Variants in PKNOX2 observed in about 807,000 individuals in gnomAD.
PKNOX2 encodes PBX/knotted 1 homeobox 2, also known as homeobox protein PKNOX2.
PKNOX2 carries 14 observed loss-of-function variants against 53.1 expected under a neutral mutation model. That is an observed-to-expected ratio of 0.26 (90% confidence interval 0.17 to 0.41). The LOEUF (loss-of-function observed/expected upper bound fraction) is 0.41, where lower values mean the gene tolerates loss of function less well. Ranked by LOEUF, PKNOX2 falls within the 10% of genes least tolerant of loss-of-function variation. PKNOX2 has a pLI of 1.00. For missense variants in PKNOX2, 496 were observed against 602.8 expected, an observed-to-expected ratio of 0.82 and a Z score of 1.85; for synonymous variants, 257 against 242.8, an observed-to-expected ratio of 1.06 and a Z score of -0.54.
intron 4 of PKNOX2, among the ~76,000 whole-genome samples, chr11:125,363,197 G>A (rs1354252949): frequency 6.6e-6 from 1 of 152,222 alleles, no homozygotes; most frequent in East Asian, 1.9e-4. Flanking sequence ...TGGGATTACA[G>A]GCGTGAGCCA....
chr11:125,274,210 G>A (rs73621011), intron 2 of PKNOX2, among the ~76,000 whole-genome samples: 1 of 152,098 alleles, frequency 6.6e-6, no homozygotes, highest in African/African-American at 2.4e-5. Flanking sequence ...AGAGTAACTT[G>A]CCCATGGTCA....
chr11:125,188,023 C>T (rs1565464554), intron 1 of PKNOX2: 2 of 152,206 alleles, frequency 1.3e-5, no homozygotes, highest in African/African-American at 4.8e-5. Context: ...TTGTTAAGCT[C>T]CTACTATGTT....
At chr11:125,251,305 C>G (rs532698658) in intron 2 of PKNOX2, among the ~76,000 whole-genome samples, 1 of 152,306 alleles carries the variant, frequency 6.6e-6, no homozygotes, top group African/African-American at 2.4e-5. Flanking sequence ...ACTCTCCCCG[C>G]TTCCTTGTAA....
chr11:125,364,754 A>G (rs1198233141), intron 4 of PKNOX2, among the ~76,000 whole-genome samples: 1 of 152,214 alleles, frequency 6.6e-6, no homozygotes, highest in Non-Finnish European at 1.5e-5. Flanking sequence ...GCACTTTTAC[A>G]TACTACACAT....
intron 1 of PKNOX2, among the ~76,000 whole-genome samples, chr11:125,203,275 A>C (rs1312370918): frequency 6.6e-6 from 1 of 152,054 alleles, no homozygotes. Context: ...GCTAATTTAA[A>C]ATTTTTTGGT....
At chr11:125,321,946 G>A (rs1412807556) in intron 2 of PKNOX2, among the ~76,000 whole-genome samples, 1 of 152,122 alleles carries the variant, frequency 6.6e-6, no homozygotes, top group Non-Finnish European at 1.5e-5. Flanking sequence ...GCTCACTCGA[G>A]TCTTTTTTAT....
Position 125,165,288 on chromosome 11 carries a change from G to C in PKNOX2, c.-201+512G>C, listed in dbSNP as rs1954774306. 6.6e-6 allele frequency among the ~76,000 whole-genome samples: 1 copy of C among 152,074 alleles called. No individual in the cohort carries two copies. Among genetic ancestry groups the C allele is most frequent in the Admixed American group, 6.5e-5 (1 of 15,284 alleles). On this transcript the variant is annotated intron_variant, in intron 1 of 12. Transcript: ENST00000298282. The surrounding 1 kb of genome is among the most constrained non-coding windows in gnomAD (Gnocchi z 4.5). ...CGGGCGGGCGGGGAGCTGTGCGCCA[G>C]GAGCGCCAGGGGACCCGAGAATAGG...
chr11:125,166,210 A>G lies in PKNOX2; in HGVS notation c.-201+1434A>G, dbSNP rs938215802. Among the ~76,000 whole-genome samples the G allele has an allele frequency of 6.6e-6, 1 of 152,094 alleles. No homozygotes were observed. Among genetic ancestry groups the G allele is most frequent in the Non-Finnish European group, 1.5e-5 (1 of 68,022 alleles). Reference sequence around the variant, plus strand: ...CGGGTGGCGTTTTTAGGATTCAGTAACAGGATCACAGCTTTTTCTTGTGGT... The same window carrying G: ...CGGGTGGCGTTTTTAGGATTCAGTAGCAGGATCACAGCTTTTTCTTGTGGT... On this transcript the variant is annotated intron_variant, in intron 1 of 12. Coordinates refer to ENST00000298282, the MANE Select transcript of PKNOX2 (RefSeq NM_001382323.2). This position sits in a 1 kb window ranked among gnomAD's most constrained non-coding sequence, Gnocchi z 4.0.
intron 3 of PKNOX2, among the ~76,000 whole-genome samples, chr11:125,339,552 T>G (rs966940988): frequency 3.3e-5 from 5 of 152,120 alleles, no homozygotes; most frequent in Non-Finnish European, 7.4e-5. Flanking sequence ...CAAGGGTGTG[T>G]GGGGAAAGGC....
chr11:125,260,744 GCA>G (rs965314376), intron 2 of PKNOX2, among the ~76,000 whole-genome samples: 20 of 152,060 alleles, frequency 1.3e-4, no homozygotes, highest in Non-Finnish European at 1.9e-4. Context: ...ACCTCTCCAT[GCA>G]CACACACGGC....
chr11:125,318,723 G>T (rs939180229), intron 2 of PKNOX2, among the ~76,000 whole-genome samples: 2 of 152,148 alleles, frequency 1.3e-5, no homozygotes, highest in Non-Finnish European at 2.9e-5. Context: ...TCGGCTCTTT[G>T]TCCCTACCCA....
At chr11:125,190,775 ATCTT>A (rs1565465540) in intron 1 of PKNOX2, among the ~76,000 whole-genome samples, 1 of 152,096 alleles carries the variant, frequency 6.6e-6, no homozygotes. Context: ...AGGGATTCCC[ATCTT>A]TTAAATACAG....
chr11:125,371,651 G>C lies in PKNOX2; in HGVS notation c.227+3666G>C, dbSNP rs551970808. 5.9e-5 allele frequency among the ~76,000 whole-genome samples: 9 copies of C among 152,254 alleles called. 1 individual carries two copies. The highest frequency in any genetic ancestry group is 1.4e-4 in the African/African-American group (6 of 41,530). On this transcript the variant is annotated intron_variant, in intron 5 of 12. Transcript: ENST00000298282. ...GAGCTAGGCCTGGCCAGGTGCGGGT[G>C]GGGGAGGAGGTTGGCTTTGCGAAGA... is the stretch of plus-strand genomic sequence containing the variant.
chr11:125,313,372 C>G (rs1045510106), intron 2 of PKNOX2, among the ~76,000 whole-genome samples: 5 of 152,178 alleles, frequency 3.3e-5, no homozygotes, highest in Admixed American at 2.6e-4. Flanking sequence ...TGCATCTGAA[C>G]TCTCCTGTCC....
chr11:125,412,405 A>G (rs776372748), intron 10 of PKNOX2, among the ~76,000 whole-genome samples: 1 of 152,198 alleles, frequency 6.6e-6, no homozygotes, highest in Non-Finnish European at 1.5e-5. Flanking sequence ...TATTTCTTTC[A>G]TAAGCTGCAG....
chr11:125,379,388 T>G (rs1953080491), intron 5 of PKNOX2, among the ~76,000 whole-genome samples: 1 of 152,032 alleles, frequency 6.6e-6, no homozygotes, highest in African/African-American at 2.4e-5. Flanking sequence ...TTTTTTTGAG[T>G]CTTTTAATAA....
intron 1 of PKNOX2, among the ~76,000 whole-genome samples, chr11:125,199,413 T>A (rs1262761974): frequency 1.3e-5 from 2 of 152,222 alleles, no homozygotes; most frequent in Non-Finnish European, 2.9e-5. Context: ...GCCCCGCACA[T>A]GCATTCAGTG....
At position 125,431,461 on chromosome 11, in the gene PKNOX2, G is replaced by C; in HGVS notation, c.*69G>C. ...GTCGCCGGGAGGCCTTCAGGGTGGG[G>C]GGGAAGGGGACATGGGCAGGAAGCA... On this transcript the variant is annotated 3_prime_UTR_variant, in exon 13 of 13. Transcript: ENST00000298282. 1 of 371,382 alleles carries C rather than the reference G, an allele frequency of 2.7e-6. No individual in the cohort carries two copies. Among genetic ancestry groups the C allele is most frequent in the Non-Finnish European group, 5.3e-6 (1 of 188,128 alleles). 23.0% of individuals were successfully genotyped at this position (371,382 alleles called of 1,614,324 possible). A position where few individuals can be genotyped will look rare whatever the true frequency, so the allele number is the denominator to read the frequency against.
intron 10 of PKNOX2, among the ~76,000 whole-genome samples, chr11:125,424,554 AG>A: frequency 6.6e-6 from 1 of 151,994 alleles, no homozygotes; most frequent in Non-Finnish European, 1.5e-5. Flanking sequence ...GAGGGAGAGG[AG>A]GGGAAAAGCG....
Sources: gnomAD v4.1 joint callset for allele counts (sites outside exome capture counted in the v4.1 genomes callset) on GRCh38, gnomAD v4.1.1 for gene constraint, Gnocchi (gnomAD v3.1) non-coding constraint, MANE v1.5 for transcripts, NCBI Gene and HGNC (gene_info 2026-07-23, HGNC 2026-07-21) for gene names.